XRCC4: variants seen among roughly 807,000 people sequenced by gnomAD.
The protein encoded by XRCC4 is DNA repair protein XRCC4.
Under a neutral mutation model 39.1 loss-of-function variants are expected in XRCC4, and 28 were observed. That is an observed-to-expected ratio of 0.72 (90% CI 0.53 to 0.98). The LOEUF (loss-of-function observed/expected upper bound fraction) is 0.98. XRCC4 is among the 50% of genes least tolerant of loss of function. The probability of loss-of-function intolerance (pLI) is 0.00; values close to 1 mark genes in which losing one functional copy is unlikely to be tolerated. For synonymous variants in XRCC4, 123 were observed against 126.4 expected (o/e 0.97, Z 0.18); for missense variants, 350 against 376.4 (o/e 0.93, Z 0.58).
At chr5:83,138,781 C>G (rs554540992) in intron 3 of XRCC4, among the ~76,000 whole-genome samples, 5 of 152,124 alleles carry the variant, frequency 3.3e-5, no homozygotes, top group Admixed American at 6.6e-5. Context: ...ACAAATGATT[C>G]AACAGCAGTT....
intron 7 of XRCC4, among the ~76,000 whole-genome samples, chr5:83,322,963 G>A (rs968641406): frequency 2.0e-5 from 3 of 152,134 alleles, no homozygotes; most frequent in Admixed American, 1.3e-4. Flanking sequence ...AATGCACTGA[G>A]GAACTCAAAG....
intron 6 of XRCC4, among the ~76,000 whole-genome samples, chr5:83,224,067 G>A (rs1752197843): frequency 6.6e-6 from 1 of 151,724 alleles, no homozygotes; most frequent in African/African-American, 2.4e-5. Context: ...TGTGAATAGC[G>A]TTTTTTAAAA....
chr5:83,339,974 ACACT>A (rs1172561230), intron 7 of XRCC4, among the ~76,000 whole-genome samples: 1 of 152,140 alleles, frequency 6.6e-6, no homozygotes, highest in African/African-American at 2.4e-5. Context: ...CCCACAATAG[ACACT>A]CAATAAATAG....
rs113520948 is a variant in XRCC4, at chr5:83,110,543, C to G, written c.140-485C>G. On this transcript the variant is annotated intron_variant, in intron 2 of 7. Transcript: ENST00000396027. ...TATTTCCTTATCATCTCCTTTCATCCATATTTTCTGTTGTTGGCACATGAT... is the reference window on the plus strand; with the variant it reads ...TATTTCCTTATCATCTCCTTTCATCGATATTTTCTGTTGTTGGCACATGAT... Among the ~76,000 whole-genome samples, 408 of 152,032 alleles carry G rather than the reference C, an allele frequency of 2.7e-3. 1 individual carries two copies. Among genetic ancestry groups the G allele is most frequent in the African/African-American group, 9.5e-3 (394 of 41,518 alleles).
At chr5:83,157,443 G>A (rs2112572721) in intron 3 of XRCC4, among the ~76,000 whole-genome samples, 1 of 152,168 alleles carries the variant, frequency 6.6e-6, no homozygotes, top group Middle Eastern at 3.4e-3. Flanking sequence ...GATAGGCAAG[G>A]CTTGCCAGGC....
chr5:83,126,211 T>C (rs1747255835), intron 3 of XRCC4, among the ~76,000 whole-genome samples: 1 of 152,144 alleles, frequency 6.6e-6, no homozygotes, highest in Non-Finnish European at 1.5e-5. Flanking sequence ...GTTTTTAGCA[T>C]ACAGATCCTA....
chr5:83,307,500 A>G (rs1288590287), intron 7 of XRCC4, among the ~76,000 whole-genome samples: 2 of 152,216 alleles, frequency 1.3e-5, no homozygotes. Context: ...TATAAAGAGA[A>G]TGCTTTTTAA....
rs138349668 is a variant in XRCC4 at position 83,254,269 on chromosome 5, C to T, written c.746-4261C>T. 3.6e-4 allele frequency among the ~76,000 whole-genome samples: 55 copies of T among 152,200 alleles called. No homozygotes were observed. The East Asian group carries it at 8.7e-3, about 24-fold the overall frequency. On this transcript the variant is annotated intron_variant, in intron 6 of 7. Coordinates refer to ENST00000396027, the MANE Select transcript of XRCC4 (RefSeq NM_003401.5). ...TTTTCTGCCTGCATTTGAAAACTTGCAAGCTGATTTAACATATCGCTCTGC... is the reference window on the plus strand; with the variant it reads ...TTTTCTGCCTGCATTTGAAAACTTGTAAGCTGATTTAACATATCGCTCTGC...
At chr5:83,170,472 T>G (rs775832009) in intron 3 of XRCC4, among the ~76,000 whole-genome samples, 2 of 152,172 alleles carry the variant, frequency 1.3e-5, no homozygotes, top group Non-Finnish European at 2.9e-5. Context: ...CTCACAAGGC[T>G]GAAATCAAAG....
chr5:83,230,136 A>G (rs1752445241), intron 6 of XRCC4, among the ~76,000 whole-genome samples: 1 of 152,156 alleles, frequency 6.6e-6, no homozygotes, highest in Admixed American at 6.6e-5. Flanking sequence ...TTCTGAAGTT[A>G]GGTAATATAT....
In XRCC4 at chr5:83,327,938, T is replaced by G. The variant is rs552296909; in HGVS notation, c.894-25193T>G. ...AGTGCATGCATAGCACAAAAAGAAA[T>G]AAAATATATAAGTCTTGAAAAGAAA... is the stretch of plus-strand genomic sequence containing the variant. On this transcript the variant is annotated intron_variant, in intron 7 of 7. Coordinates refer to ENST00000396027, the MANE Select transcript of XRCC4 (RefSeq NM_003401.5). Among the ~76,000 whole-genome samples the G allele has an allele frequency of 3.9e-5, 6 of 152,112 alleles. No homozygotes were observed. The East Asian group carries it at 1.2e-3, about 29-fold the overall frequency.
At chr5:83,192,173 C>T (rs952228785) in intron 3 of XRCC4, among the ~76,000 whole-genome samples, 28 of 148,260 alleles carry the variant, frequency 1.9e-4, no homozygotes, top group African/African-American at 2.8e-4. Flanking sequence ...TATATATACA[C>T]GTATACATAC....
chr5:83,358,837 G>T, the XRCC4 span, among the ~76,000 whole-genome samples: 3 of 152,158 alleles, frequency 2.0e-5, no homozygotes, highest in Non-Finnish European at 2.9e-5. Context: ...AACTGGGCCA[G>T]AGACAAGGGC....
chr5:83,094,230 A>G (rs950413953), intron 1 of XRCC4, among the ~76,000 whole-genome samples: 32 of 151,570 alleles, frequency 2.1e-4, no homozygotes, highest in African/African-American at 9.7e-5. Flanking sequence ...CTTAATTCCT[A>G]TTATGTATAG....
intron 7 of XRCC4, among the ~76,000 whole-genome samples, chr5:83,314,353 T>C (rs1755809160): frequency 1.3e-5 from 2 of 152,172 alleles, no homozygotes; most frequent in South Asian, 2.1e-4. Context: ...ATTCTAATTG[T>C]AGGTGAAATT....
chr5:83,134,955 A>T (rs1235899581), intron 3 of XRCC4, among the ~76,000 whole-genome samples: 1 of 152,126 alleles, frequency 6.6e-6, no homozygotes, highest in Non-Finnish European at 1.5e-5. Context: ...ACCCACCAGA[A>T]GGAAGATACT....
intron 7 of XRCC4, among the ~76,000 whole-genome samples, chr5:83,316,150 G>C (rs1489627663): frequency 1.3e-5 from 2 of 152,222 alleles, no homozygotes; most frequent in Non-Finnish European, 1.5e-5. Flanking sequence ...AATTGGAAAT[G>C]TGGTAGAAGC....
chr5:83,163,707 G>T (rs1211598962), intron 3 of XRCC4, among the ~76,000 whole-genome samples: 1 of 152,168 alleles, frequency 6.6e-6, no homozygotes, highest in African/African-American at 2.4e-5. Context: ...ATTCTTAAGT[G>T]GGCGGGTTGT....
At chr5:83,348,389 G>C (rs1352656703) in intron 7 of XRCC4, among the ~76,000 whole-genome samples, 1 of 152,222 alleles carries the variant, frequency 6.6e-6, no homozygotes, top group Admixed American at 6.5e-5. Context: ...TCAAGCCTCA[G>C]CTCTTGCACT....
Sources: allele counts gnomAD v4.1 joint callset (sites outside exome capture counted in the v4.1 genomes callset), GRCh38; gene constraint gnomAD v4.1.1; transcripts MANE v1.5; gene names NCBI Gene and HGNC (gene_info 2026-07-23, HGNC 2026-07-21).